The following PTPN20 variants were observed in gnomAD, a reference collection of about 807,000 sequenced individuals.
The protein encoded by PTPN20 is tyrosine-protein phosphatase non-receptor type 20.
Under a neutral mutation model 35.0 loss-of-function variants are expected in PTPN20, and 9 were observed. The ratio of observed to expected loss-of-function variants is 0.26; its 90% CI spans 0.15 to 0.45. The LOEUF is 0.45. Ranked by LOEUF, PTPN20 falls within the 20% of genes least tolerant of loss-of-function variation. The pLI is 1.00. For synonymous variants in PTPN20, 32 were observed against 100.2 expected (o/e 0.32, Z 4.06); for missense variants, 111 against 312.5 (o/e 0.36, Z 4.86).
intron 5 of PTPN20, among the ~76,000 whole-genome samples, chr10:46,957,171 TATC>T (rs1386907128): frequency 0.02 from 2,986 of 149,862 alleles, 99 homozygotes; most frequent in African/African-American, 0.07. Flanking sequence ...CTACATATAA[TATC>T]ATATCATTGG....
chr10:46,935,722 G>A (rs2041376966), intron 2 of PTPN20, among the ~76,000 whole-genome samples: 1 of 151,580 alleles, frequency 6.6e-6, no homozygotes, highest in African/African-American at 2.4e-5. Context: ...AGGCATGTAG[G>A]TTGATTCCAT....
rs1320832270 is a variant in PTPN20, at chr10:47,001,679, T to G, written c.*938T>G. ...GATAGTTTTTTTTCCAGAGTTCCAT[T>G]AAATCATTTATTTCCTTTACTTTCT... On this transcript the variant is annotated 3_prime_UTR_variant, in exon 11 of 11. Coordinates refer to ENST00000374339, the MANE Select transcript of PTPN20 (RefSeq NM_001042357.5). 1 of 152,172 alleles carries G rather than the reference T, an allele frequency of 6.6e-6. No homozygotes were observed. Among genetic ancestry groups the G allele is most frequent in the African/African-American group, 2.4e-5 (1 of 41,452 alleles). 9.4% of individuals were successfully genotyped at this position (152,172 alleles called of 1,614,324 possible).
intron 9 of PTPN20, among the ~76,000 whole-genome samples, chr10:46,996,930 C>CT (rs1164044338): frequency 4.6e-5 from 7 of 152,120 alleles, no homozygotes; most frequent in Non-Finnish European, 7.4e-5. Context: ...CGTTATTCTC[C>CT]TTTTTCAAAA....
chr10:46,941,689 G>A (rs1328047332), intron 3 of PTPN20, among the ~76,000 whole-genome samples: 6 of 147,582 alleles, frequency 4.1e-5, no homozygotes, highest in African/African-American at 1.6e-4. Flanking sequence ...TTTTTACTTT[G>A]GGTTTTTTTT....
intron 1 of PTPN20, among the ~76,000 whole-genome samples, chr10:46,925,378 C>G (rs2036879990): frequency 6.8e-6 from 1 of 147,504 alleles, no homozygotes; most frequent in African/African-American, 2.5e-5. Context: ...GCATCACTGC[C>G]TTATCACAGG....
At chr10:47,000,201 C>T (rs1287847380) in intron 10 of PTPN20, among the ~76,000 whole-genome samples, 1 of 152,154 alleles carries the variant, frequency 6.6e-6, no homozygotes. Flanking sequence ...AGGGGAGGAG[C>T]CAAGCCTGAA....
At chr10:46,928,281 A>G (rs1170832198) in intron 1 of PTPN20, among the ~76,000 whole-genome samples, 1 of 152,066 alleles carries the variant, frequency 6.6e-6, no homozygotes, top group African/African-American at 2.4e-5. Flanking sequence ...AGTGGGTAGC[A>G]ACTATTTTTT....
chr10:46,949,091 T>A (rs1673314866), intron 5 of PTPN20, among the ~76,000 whole-genome samples: 2 of 151,864 alleles, frequency 1.3e-5, no homozygotes. Context: ...CTGCTCCTCC[T>A]CCTGCAGTGT....
rs1488522592 is a variant in PTPN20 at position 47,000,838 on chromosome 10, A to G, written c.*97A>G. The G allele has an allele frequency of 2.8e-6, 4 of 1,407,260 alleles. No individual in the cohort carries two copies. Among genetic ancestry groups the G allele is most frequent in the South Asian group, 1.2e-5 (1 of 86,594 alleles). The allele number at this position is 1,407,260 out of a possible 1,614,324, so 87.2% of individuals were successfully genotyped here. On this transcript the variant is annotated 3_prime_UTR_variant, in exon 11 of 11. Transcript: ENST00000374339. Reference sequence around the variant, plus strand: ...ACTGTGCTGAAGGGCTTTGCTATGCATACAATCTGCTTTCTTGGTTTATCA... The same window carrying G: ...ACTGTGCTGAAGGGCTTTGCTATGCGTACAATCTGCTTTCTTGGTTTATCA...
intron 7 of PTPN20, among the ~76,000 whole-genome samples, chr10:46,981,144 T>A (rs1354853923): frequency 1.6e-4 from 24 of 149,440 alleles, no homozygotes; most frequent in African/African-American, 5.8e-4. Context: ...CGTGAATAGA[T>A]CTTGCTAGAT....
intron 5 of PTPN20, among the ~76,000 whole-genome samples, chr10:46,947,636 A>ATT (rs2045349030): frequency 3.3e-5 from 5 of 151,704 alleles, no homozygotes; most frequent in Non-Finnish European, 5.9e-5. Context: ...ATTTTTTTAT[A>ATT]GTTAACCCTT....
chr10:46,939,426 C>T (rs1221451589), intron 2 of PTPN20, among the ~76,000 whole-genome samples: 2 of 126,894 alleles, frequency 1.6e-5, no homozygotes, highest in Non-Finnish European at 3.2e-5. Context: ...GCCAAAAGGC[C>T]GAGAAGCGAT....
At chr10:46,939,335 C>G in intron 2 of PTPN20, among the ~76,000 whole-genome samples, 1 of 124,488 alleles carries the variant, frequency 8.0e-6, no homozygotes, top group Non-Finnish European at 1.6e-5. Context: ...CCTAAAGTTT[C>G]TCATAATATT....
chr10:46,966,219 G>A (rs1157966096), intron 6 of PTPN20, among the ~76,000 whole-genome samples: 3 of 150,930 alleles, frequency 2.0e-5, no homozygotes, highest in Non-Finnish European at 2.9e-5. Flanking sequence ...GCGCCTGGCC[G>A]ATTACTAACT....
intron 1 of PTPN20, among the ~76,000 whole-genome samples, chr10:46,925,522 CTTTT>C (rs1271555570): frequency 1.3e-3 from 170 of 133,894 alleles, no homozygotes; most frequent in African/African-American, 4.3e-3. Context: ...GCTGCTTCCT[CTTTT>C]TTTTTTTTTT....
At chr10:46,977,195 A>G (rs1385630635) in intron 7 of PTPN20, among the ~76,000 whole-genome samples, 1 of 152,286 alleles carries the variant, frequency 6.6e-6, no homozygotes. Flanking sequence ...AAGGAATTCT[A>G]CCTCCAGACT....
In PTPN20 at chr10:47,000,694, T is replaced by TA. The variant is rs1442548590; in HGVS notation, c.1217dup (p.Tyr406Ter). Residue 406 changes from tyrosine (Y) to a stop codon, truncating the protein, a stop_gained and frameshift_variant, in exon 11 of 11, where the codon TAC becomes TAAC. Coordinates refer to ENST00000374339, the MANE Select transcript of PTPN20 (RefSeq NM_001042357.5). LOFTEE classifies it high-confidence loss of function. ...VQTKEQYHFC[Y>*]DIVLEVLRKL... ...TATATAGGAGCAGTATCACTTTTGT[T>TA]ACGATATTGTGCTTGAAGTTCTTCG... The TA allele has an allele frequency of 1.2e-6, 2 of 1,613,436 alleles. No homozygotes were observed. The highest frequency in any genetic ancestry group is 1.7e-6 in the Non-Finnish European group (2 of 1,179,552).
intron 9 of PTPN20, among the ~76,000 whole-genome samples, chr10:46,996,284 G>A (rs1056962267): frequency 6.6e-6 from 1 of 152,012 alleles, no homozygotes; most frequent in African/African-American, 2.4e-5. Flanking sequence ...TCATTTCATT[G>A]CAGTCACTTC....
intron 9 of PTPN20, among the ~76,000 whole-genome samples, chr10:46,988,407 CTAGCTCTT>C (rs2057215773): frequency 6.8e-6 from 1 of 146,008 alleles, no homozygotes; most frequent in African/African-American, 2.5e-5. Flanking sequence ...ATCTTCTTTC[CTAGCTCTT>C]TAAATATATA....
Sources: gnomAD v4.1 joint callset for allele counts (sites outside exome capture counted in the v4.1 genomes callset) on GRCh38, gnomAD v4.1.1 for gene constraint, MANE v1.5 for transcripts, NCBI Gene and HGNC (gene_info 2026-07-23, HGNC 2026-07-21) for gene names.